TENT2: variants seen among roughly 807,000 people sequenced by gnomAD.
TENT2 encodes terminal nucleotidyltransferase 2.
TENT2 carries 44 observed loss-of-function variants against 72.2 expected under a neutral mutation model. The observed-to-expected ratio is 0.61, with a 90% CI of 0.48 to 0.78. The LOEUF is 0.78. TENT2 is among the 30% of genes least tolerant of loss of function. The pLI is 0.00. For synonymous variants in TENT2, 212 were observed against 192.5 expected, an observed-to-expected ratio of 1.10 and a Z score of -0.84; for missense variants, 541 against 569.6, an observed-to-expected ratio of 0.95 and a Z score of 0.51.
At chr5:79,638,736 C>T (rs748751019) in intron 4 of TENT2, among the ~76,000 whole-genome samples, 3 of 152,108 alleles carry the variant, frequency 2.0e-5, no homozygotes, top group Non-Finnish European at 4.4e-5. Context: ...TGTCCCACTC[C>T]TGAGTATTCA....
chr5:79,646,769 CT>C (rs148646986), intron 8 of TENT2, among the ~76,000 whole-genome samples: 460 of 137,300 alleles, frequency 3.4e-3, no homozygotes, highest in Non-Finnish European at 3.9e-3. Flanking sequence ...TGTTCCTAAG[CT>C]TTTTTTTTTT....
chr5:79,620,200 C>G, intron 3 of TENT2, 117 bp downstream of exon 3: 1 of 617,406 alleles, frequency 1.6e-6, no homozygotes. Flanking sequence ...TTTCTGGGAC[C>G]TGTACGATCA....
rs527311504 is a variant in TENT2 at position 79,687,876 on chromosome 5, G to A, written c.*2603G>A. 6.6e-6 allele frequency among the ~76,000 whole-genome samples: 1 copy of A among 152,306 alleles called. No homozygotes were observed. The highest frequency in any genetic ancestry group is 6.5e-5 in the Admixed American group (1 of 15,290). ...TAAATGATGGAAGGAACATAGAATG[G>A]CTACCTGTGATTTTGATTAGTGTTT... On this transcript the variant is annotated 3_prime_UTR_variant, in exon 15 of 15. Coordinates refer to ENST00000453514, the MANE Select transcript of TENT2 (RefSeq NM_001114394.3).
chr5:79,686,325 G>A lies in TENT2; in HGVS notation c.*1052G>A, dbSNP rs1040505296. On this transcript the variant is annotated 3_prime_UTR_variant, in exon 15 of 15. Transcript: ENST00000453514. ...TTTCTTTTTTCACATGAAAGAAGTG[G>A]TGGCTGCTAAAAAAAAAGCTACAGT... 3 of 151,474 alleles carry A rather than the reference G, an allele frequency of 2.0e-5. No homozygotes were observed. Among genetic ancestry groups the A allele is most frequent in the Non-Finnish European group, 2.9e-5 (2 of 67,884 alleles). The allele number at this position is 151,474 out of a possible 1,614,324, so 9.4% of individuals were successfully genotyped here. A position where few individuals can be genotyped will look rare whatever the true frequency, so the allele number is the denominator to read the frequency against.
chr5:79,676,591 A>G (rs1460710219), intron 12 of TENT2, among the ~76,000 whole-genome samples: 1 of 152,170 alleles, frequency 6.6e-6, no homozygotes. Context: ...TGACTAATAA[A>G]TAAATAAAAA....
At chr5:79,675,076 C>T (rs558399343) in intron 12 of TENT2, among the ~76,000 whole-genome samples, 33 of 152,184 alleles carry the variant, frequency 2.2e-4, no homozygotes, top group African/African-American at 7.0e-4. Flanking sequence ...GTAACTCATT[C>T]TCTAGAGCAG....
intron 10 of TENT2, among the ~76,000 whole-genome samples, chr5:79,656,035 TTTG>T (rs1797714732): frequency 6.6e-6 from 1 of 151,974 alleles, no homozygotes; most frequent in South Asian, 2.1e-4. Flanking sequence ...ATTAATATGC[TTTG>T]TTATTGAGTT....
chr5:79,630,924 T>A (rs1451903044), intron 4 of TENT2, among the ~76,000 whole-genome samples: 1 of 151,948 alleles, frequency 6.6e-6, no homozygotes, highest in East Asian at 1.9e-4. Flanking sequence ...AGGGAAGTTG[T>A]ACTGTAGTAT....
chr5:79,666,375 CTTT>C (rs777248484), intron 11 of TENT2, among the ~76,000 whole-genome samples: 7 of 139,620 alleles, frequency 5.0e-5, no homozygotes, highest in Admixed American at 1.4e-4. Flanking sequence ...TCTTTTCTTT[CTTT>C]TTTTTTTTTT....
At chr5:79,648,514 A>G (rs1440644741) in intron 8 of TENT2, 103 bp from the exon 9 acceptor site, 18 of 762,372 alleles carry the variant, frequency 2.4e-5, no homozygotes, top group Middle Eastern at 2.8e-4. Context: ...GGCCCATACT[A>G]TTTTGCATCA....
intron 4 of TENT2, among the ~76,000 whole-genome samples, chr5:79,640,060 C>T (rs1409531780): frequency 6.6e-6 from 1 of 151,978 alleles, no homozygotes; most frequent in African/African-American, 2.4e-5. Flanking sequence ...GGTTCGAGAG[C>T]AGCCTGGGCA....
chr5:79,637,530 G>A (rs1417853137), intron 4 of TENT2, among the ~76,000 whole-genome samples: 2 of 152,052 alleles, frequency 1.3e-5, no homozygotes, highest in Non-Finnish European at 2.9e-5. Context: ...AGGCTCAAGC[G>A]ATCCTCCTGC....
intron 4 of TENT2, among the ~76,000 whole-genome samples, chr5:79,631,275 A>C (rs1775295928): frequency 6.6e-6 from 1 of 152,182 alleles, no homozygotes; most frequent in South Asian, 2.1e-4. Flanking sequence ...TGAGGATTAC[A>C]CTCAAGTTTC....
chr5:79,652,856 T>A (rs1020829147), intron 10 of TENT2, among the ~76,000 whole-genome samples: 17 of 152,002 alleles, frequency 1.1e-4, no homozygotes, highest in East Asian at 1.9e-4. Flanking sequence ...ATATGTTACT[T>A]TATAATATAT....
At position 79,685,497 on chromosome 5, in the gene TENT2, A is replaced by G. The variant is rs774527465; in HGVS notation, c.*224A>G. ...AAAAATGTTTACATTGATGATGAGT[A>G]ATATTGCATGTGTTTTCAGGTGATC... is the stretch of plus-strand genomic sequence containing the variant. On this transcript the variant is annotated 3_prime_UTR_variant, in exon 15 of 15. Transcript: ENST00000453514. The G allele has an allele frequency of 3.1e-5, 11 of 355,530 alleles. No homozygotes were observed. Among genetic ancestry groups the G allele is most frequent in the Non-Finnish European group, 4.0e-5 (8 of 200,304 alleles). The allele number at this position is 355,530 out of a possible 1,614,324, so 22.0% of individuals were successfully genotyped here.
At chr5:79,679,693 C>A in intron 13 of TENT2, 23 bp downstream of exon 13, 18 of 1,375,104 alleles carry the variant, frequency 1.3e-5, no homozygotes, top group East Asian at 2.4e-5. Context: ...TTACCATCTA[C>A]GTATCATCAT....
At chr5:79,660,893 G>A (rs183588803) in intron 11 of TENT2, among the ~76,000 whole-genome samples, 107 of 152,288 alleles carry the variant, frequency 7.0e-4, no homozygotes, top group African/African-American at 2.5e-3. Context: ...AGTGGGACAT[G>A]ATGTGGAGGT....
At chr5:79,684,647 G>A (rs1054148653) in intron 14 of TENT2, among the ~76,000 whole-genome samples, 1 of 152,126 alleles carries the variant, frequency 6.6e-6, no homozygotes, top group Non-Finnish European at 1.5e-5. Flanking sequence ...AAATCCAAAG[G>A]TTTTGTCTTA....
At chr5:79,618,295 T>C (rs1168207991) in intron 1 of TENT2, among the ~76,000 whole-genome samples, 1 of 152,148 alleles carries the variant, frequency 6.6e-6, no homozygotes, top group Non-Finnish European at 1.5e-5. Context: ...GGCATGAACA[T>C]GGTTCACTAC....
Sources: gnomAD v4.1 joint callset for allele counts (sites outside exome capture counted in the v4.1 genomes callset) on GRCh38, gnomAD v4.1.1 for gene constraint, MANE v1.5 for transcripts, NCBI Gene and HGNC (gene_info 2026-07-23, HGNC 2026-07-21) for gene names.